Variants in CRMP1 observed in about 807,000 individuals in gnomAD.
CRMP1 encodes collapsin response mediator protein 1.
In CRMP1, 19 loss-of-function variants were observed where a neutral mutation model predicts 68.3. That is an observed-to-expected ratio of 0.28 (90% confidence interval 0.19 to 0.41). CRMP1 has a LOEUF of 0.41. Among genes scored for constraint, CRMP1 ranks in the 10% least tolerant of loss-of-function variants. The probability of loss-of-function intolerance (pLI) is 1.00; values close to 1 mark genes in which losing one functional copy is unlikely to be tolerated. For synonymous variants in CRMP1, 439 were observed against 399.6 expected (o/e 1.10, Z -1.18); for missense variants, 791 against 967.4 (o/e 0.82, Z 2.42).
chr4:5,839,976 A>G, intron 8 of CRMP1, among the ~76,000 whole-genome samples: 1 of 152,192 alleles, frequency 6.6e-6, no homozygotes. Context: ...ATGTCCTTTT[A>G]TAGATTTGTA....
chr4:5,868,663 A>G (rs939424992), intron 1 of CRMP1, among the ~76,000 whole-genome samples: 3 of 152,060 alleles, frequency 2.0e-5, no homozygotes, highest in African/African-American at 7.2e-5. Context: ...TACATAATAA[A>G]TTGTTTAATA....
intron 1 of CRMP1, chr4:5,887,571 C>G: frequency 1.0e-6 from 1 of 985,476 alleles, no homozygotes; most frequent in Middle Eastern, 5.2e-4. Flanking sequence ...GGCTGTTCTG[C>G]CTCCACCACC....
chr4:5,834,436 G>T lies in CRMP1; in HGVS notation c.1623+1479C>A, dbSNP rs1326401669. On this transcript the variant is annotated intron_variant, in intron 11 of 13. Coordinates refer to ENST00000324989, the MANE Select transcript of CRMP1 (RefSeq NM_001014809.3). This position sits in a 1 kb window ranked among gnomAD's most constrained non-coding sequence, Gnocchi z 4.3. Reference sequence around the variant, plus strand: ...TCCTCTTGATACTTCTTTCACACTTGTCCTGTCTTATCCTTCTGCCCTCTG... The same window carrying T: ...TCCTCTTGATACTTCTTTCACACTTTTCCTGTCTTATCCTTCTGCCCTCTG... Among the ~76,000 whole-genome samples the T allele has an allele frequency of 6.6e-6, 1 of 152,162 alleles. No individual in the cohort carries two copies. The highest frequency in any genetic ancestry group is 1.5e-5 in the Non-Finnish European group (1 of 68,046).
At chr4:5,829,790 C>G (rs1303859391) in intron 11 of CRMP1, among the ~76,000 whole-genome samples, 2 of 152,174 alleles carry the variant, frequency 1.3e-5, no homozygotes, top group Non-Finnish European at 2.9e-5. Flanking sequence ...GCCCAGTTCC[C>G]AAGAATAAAC....
At chr4:5,887,750 T>C (rs761239852) in intron 1 of CRMP1, 13 of 983,904 alleles carry the variant, frequency 1.3e-5, no homozygotes, top group African/African-American at 3.5e-5. Context: ...AGGCGGGGAG[T>C]GGGGAGCGCT....
At position 5,866,841 on chromosome 4, in the gene CRMP1, T is replaced by C; in HGVS notation, c.382-85A>G. ...TTTTTAATTTTTAATATAAGAATTA[T>C]CAAATATTTTCAAAAGTAAAGGCAT... On this transcript the variant is annotated intron_variant, in intron 1 of 13. Transcript: ENST00000324989. The surrounding 1 kb of genome is among the most constrained non-coding windows in gnomAD (Gnocchi z 5.9). 1 of 926,638 alleles carries C rather than the reference T, an allele frequency of 1.1e-6. No homozygotes were observed. Among genetic ancestry groups the C allele is most frequent in the Non-Finnish European group, 1.6e-6 (1 of 632,028 alleles). 57.4% of individuals were successfully genotyped at this position (926,638 alleles called of 1,614,324 possible). A position where few individuals can be genotyped will look rare whatever the true frequency, so the allele number is the denominator to read the frequency against.
At chr4:5,868,561 A>G (rs901588700) in intron 1 of CRMP1, among the ~76,000 whole-genome samples, 9 of 151,958 alleles carry the variant, frequency 5.9e-5, no homozygotes, top group African/African-American at 2.2e-4. Flanking sequence ...TTGGCCTCCC[A>G]AAGTGCTGGG....
At chr4:5,826,010 C>A in intron 12 of CRMP1, 1 of 289,700 alleles carries the variant, frequency 3.5e-6, no homozygotes, top group Non-Finnish European at 5.8e-6. Flanking sequence ...CGTGAACACG[C>A]ACACACACTT....
rs528985790 is a variant in CRMP1, at chr4:5,825,925, CACAT to C, written c.1804-270_1804-267del. The C allele has an allele frequency of 7.0e-4, 352 of 502,890 alleles. 1 individual carries two copies. Among genetic ancestry groups the C allele is most frequent in the Middle Eastern group, 2.1e-3 (4 of 1,928 alleles). The allele number at this position is 502,890 out of a possible 1,614,324, so 31.2% of individuals were successfully genotyped here. The stretch of plus-strand genomic sequence containing the variant: ...GACGCACACACCACGCACACGCACT[CACAT>C]ACATGCAGTCATGCACACATATATG... On this transcript the variant is annotated intron_variant, in intron 12 of 13. Transcript: ENST00000324989. The surrounding 1 kb of genome is among the most constrained non-coding windows in gnomAD (Gnocchi z 4.4).
In CRMP1 at chr4:5,860,620, T is replaced by C. The variant is rs938725020; in HGVS notation, c.655+406A>G. On this transcript the variant is annotated intron_variant, in intron 3 of 13. Transcript: ENST00000324989. This position sits in a 1 kb window ranked among gnomAD's most constrained non-coding sequence, Gnocchi z 4.2. ...TGAAACCATAGCCATCTTCACATCATGTTGAAGGATTTTTTTTTTTTTTGC... is the reference window on the plus strand; with the variant it reads ...TGAAACCATAGCCATCTTCACATCACGTTGAAGGATTTTTTTTTTTTTTGC... 1.6e-5 allele frequency among the ~76,000 whole-genome samples: 2 copies of C among 122,910 alleles called. No homozygotes were observed. The highest frequency in any genetic ancestry group is 3.5e-5 in the Non-Finnish European group (2 of 56,990). 80.6% of individuals were successfully genotyped at this position (122,910 alleles called of 152,430 possible). A position where few individuals can be genotyped will look rare whatever the true frequency, so the allele number is the denominator to read the frequency against.
intron 9 of CRMP1, among the ~76,000 whole-genome samples, chr4:5,839,107 G>A (rs1302397897): frequency 6.6e-6 from 1 of 152,210 alleles, no homozygotes; most frequent in African/African-American, 2.4e-5. Flanking sequence ...TTCCTGCACT[G>A]TCCCATAGGC....
At position 5,843,060 on chromosome 4, in the gene CRMP1, G is replaced by A. The variant is rs1560496624; in HGVS notation, c.1032+33C>T. ...TCAAGGTGAGTGCTCAGTGGTGAGT[G>A]TCAGAGTCATGCCCAAGTTGAGGAG... On this transcript the variant is annotated intron_variant, in intron 7 of 13. Transcript: ENST00000324989. The surrounding 1 kb of genome is among the most constrained non-coding windows in gnomAD (Gnocchi z 4.1). 6.2e-7 allele frequency: 1 copy of A among 1,606,160 alleles called. No homozygotes were observed. The highest frequency in any genetic ancestry group is 8.5e-7 in the Non-Finnish European group (1 of 1,173,460).
chr4:5,860,723 G>T lies in CRMP1; in HGVS notation c.655+303C>A, dbSNP rs1182377413. 2.6e-5 allele frequency among the ~76,000 whole-genome samples: 4 copies of T among 151,284 alleles called. No homozygotes were observed. The highest frequency in any genetic ancestry group is 4.2e-4 in the South Asian group (2 of 4,778). ...ATTTTGTTTCTAAAAATCTAAATGTGACTTCAGTCTCATGCTAAGCGATTA... is the reference window on the plus strand; with the variant it reads ...ATTTTGTTTCTAAAAATCTAAATGTTACTTCAGTCTCATGCTAAGCGATTA... On this transcript the variant is annotated intron_variant, in intron 3 of 13. Transcript: ENST00000324989. This position sits in a 1 kb window ranked among gnomAD's most constrained non-coding sequence, Gnocchi z 4.2.
chr4:5,850,344 T>C lies in CRMP1; in HGVS notation c.883-872A>G, dbSNP rs1324545649. Among the ~76,000 whole-genome samples, 1 of 152,150 alleles carries C rather than the reference T, an allele frequency of 6.6e-6. No homozygotes were observed. Among genetic ancestry groups the C allele is most frequent in the African/African-American group, 2.4e-5 (1 of 41,442 alleles). Reference sequence around the variant, plus strand: ...GTAGTTAGAATGAAACAGGTGAAAATCACAATTATGCCAGCACATCACATG... The same window carrying C: ...GTAGTTAGAATGAAACAGGTGAAAACCACAATTATGCCAGCACATCACATG... On this transcript the variant is annotated intron_variant, in intron 5 of 13. Transcript: ENST00000324989. The surrounding 1 kb of genome is among the most constrained non-coding windows in gnomAD (Gnocchi z 4.4).
At chr4:5,823,744 C>G (rs1719070058) in intron 13 of CRMP1, among the ~76,000 whole-genome samples, 1 of 152,240 alleles carries the variant, frequency 6.6e-6, no homozygotes, top group African/African-American at 2.4e-5. Flanking sequence ...TCACCAGAAG[C>G]AGACGCTGGC....
chr4:5,885,004 C>T (rs1056089159), intron 1 of CRMP1, among the ~76,000 whole-genome samples: 3 of 149,368 alleles, frequency 2.0e-5, no homozygotes, highest in Admixed American at 6.7e-5. Context: ...AAAAAAGACA[C>T]GCATGAAAGA....
chr4:5,850,042 A>C lies in CRMP1; in HGVS notation c.883-570T>G, dbSNP rs1712507317. 6.6e-6 allele frequency among the ~76,000 whole-genome samples: 1 copy of C among 152,132 alleles called. No individual in the cohort carries two copies. The highest frequency in any genetic ancestry group is 2.4e-5 in the African/African-American group (1 of 41,440). On this transcript the variant is annotated intron_variant, in intron 5 of 13. Transcript: ENST00000324989. This position sits in a 1 kb window ranked among gnomAD's most constrained non-coding sequence, Gnocchi z 4.4. Reference sequence around the variant, plus strand: ...GCCAACCATCCTCTCAATTAGACAAAACAGGCCCTCCCCACTGCCCAGTGT... The same window carrying C: ...GCCAACCATCCTCTCAATTAGACAACACAGGCCCTCCCCACTGCCCAGTGT...
At chr4:5,828,731 A>T (rs935417240) in intron 11 of CRMP1, 63 bp from the exon 12 acceptor site, 1 of 1,560,512 alleles carries the variant, frequency 6.4e-7, no homozygotes, top group African/African-American at 1.4e-5. Flanking sequence ...GCTGTTCATA[A>T]CAGCGATTTT....
chr4:5,887,410 C>T (rs1000384102), intron 1 of CRMP1: 2 of 985,548 alleles, frequency 2.0e-6, no homozygotes, highest in Non-Finnish European at 2.4e-6. Context: ...TGGTCCGCAT[C>T]CCTCAGGAAC....
Sources: gnomAD v4.1 joint callset for allele counts (sites outside exome capture counted in the v4.1 genomes callset) on GRCh38, gnomAD v4.1.1 for gene constraint, Gnocchi (gnomAD v3.1) non-coding constraint, MANE v1.5 for transcripts, NCBI Gene and HGNC (gene_info 2026-07-23, HGNC 2026-07-21) for gene names.